KCP: variants seen among roughly 807,000 people sequenced by gnomAD.
KCP encodes the protein kielin cysteine rich BMP regulator.
In KCP, 194 loss-of-function variants were observed where a neutral mutation model predicts 212.7. The ratio of observed to expected loss-of-function variants is 0.91; its 90% CI spans 0.81 to 1.03. The LOEUF is 1.03. Ranked by LOEUF, KCP falls within the 50% of genes least tolerant of loss-of-function variation. The probability of loss-of-function intolerance (pLI) is 0.00; values close to 1 mark genes in which losing one functional copy is unlikely to be tolerated. For synonymous variants in KCP, 833 were observed against 865.3 expected, an observed-to-expected ratio of 0.96 and a Z score of 0.65; for missense variants, 2,080 against 2,162.5, an observed-to-expected ratio of 0.96 and a Z score of 0.76.
At chr7:128,885,376 T>A in intron 26 of KCP, 106 bp from the exon 27 acceptor site, 1 of 1,178,322 alleles carries the variant, frequency 8.5e-7, no homozygotes, top group Non-Finnish European at 1.2e-6. Flanking sequence ...CAGGAGTGAG[T>A]TTGCAGGGAT....
In KCP at chr7:128,880,037, G is replaced by A; in HGVS notation, c.3808C>T (p.Pro1270Ser). 6.5e-7 allele frequency: 1 copy of A among 1,548,574 alleles called. No individual in the cohort carries two copies. Among genetic ancestry groups the A allele is most frequent in the Non-Finnish European group, 8.7e-7 (1 of 1,146,574 alleles). Residue 1270 changes from proline to serine, a missense_variant, in exon 35 of 40, where the codon CCT becomes TCT. Transcript: ENST00000610776. ...SPGSCCPRCL[P>S]RPASCMAFGD... The stretch of plus-strand genomic sequence containing the variant: ...AAGGCCATGCAGGAAGCGGGCCGAG[G>A]CAGGCAGCGGGGGCAGCAGCTGCCA...
Position 128,901,499 on chromosome 7 carries a change from G to A in KCP, c.831+1278C>T, listed in dbSNP as rs531874109. 9.2e-5 allele frequency among the ~76,000 whole-genome samples: 14 copies of A among 152,132 alleles called. No homozygotes were observed. The East Asian group carries it at 1.9e-3, about 21-fold the overall frequency. ...AAATTAGCCAGGCGTGTTGGCGGGC[G>A]CCTGTAGTCCCAGCTACTCGGGATA... is the stretch of plus-strand genomic sequence containing the variant. On this transcript the variant is annotated intron_variant, in intron 8 of 39. Transcript: ENST00000610776.
At chr7:128,881,844 G>C (rs1299684383) in intron 30 of KCP, 93 bp downstream of exon 30, 1 of 1,406,192 alleles carries the variant, frequency 7.1e-7, no homozygotes, top group African/African-American at 1.4e-5. Context: ...CGAATGGAGA[G>C]CCCTGGAGCT....
chr7:128,892,678 G>A lies in KCP; in HGVS notation c.1527+10C>T, dbSNP rs1322570352. 5.8e-6 allele frequency: 9 copies of A among 1,551,596 alleles called. No homozygotes were observed. Among genetic ancestry groups the A allele is most frequent in the African/African-American group, 1.4e-5 (1 of 73,162 alleles). On this transcript the variant is annotated intron_variant, in intron 15 of 39. Transcript: ENST00000610776. ...GGCTCAGCAGGGCAGCAGCAAGGCT[G>A]GGCAGTTACCTGACAGTGGCAGGCA...
intron 7 of KCP, chr7:128,903,155 C>T (rs915971236): frequency 1.1e-5 from 5 of 473,638 alleles, no homozygotes; most frequent in Admixed American, 7.4e-5. Context: ...GCCAACATTG[C>T]ACACTCACCC....
chr7:128,897,613 T>C (rs1328893733), intron 8 of KCP, among the ~76,000 whole-genome samples: 5 of 152,252 alleles, frequency 3.3e-5, no homozygotes, highest in African/African-American at 9.6e-5. Context: ...TTAAAGATTA[T>C]TGATAAAATA....
rs1411850345 is a variant in KCP, at chr7:128,879,507, G to A, written c.4146+15C>T. ...CCCAGCAGGCAGCCCACCCAGACTCGCCCTGGAGCCGCACCTGGAGCCCGG... is the reference window on the plus strand; with the variant it reads ...CCCAGCAGGCAGCCCACCCAGACTCACCCTGGAGCCGCACCTGGAGCCCGG... On this transcript the variant is annotated intron_variant, in intron 37 of 39. Transcript: ENST00000610776. 3.2e-6 allele frequency: 5 copies of A among 1,545,286 alleles called. No homozygotes were observed. Among genetic ancestry groups the A allele is most frequent in the Non-Finnish European group, 4.4e-6 (5 of 1,144,174 alleles).
chr7:128,887,351 C>G (rs907912711), intron 22 of KCP, 51 bp from the exon 23 acceptor site: 21 of 1,333,460 alleles, frequency 1.6e-5, no homozygotes, highest in Admixed American at 5.9e-5. Context: ...AGAACCTCCA[C>G]TGTCACACAC....
chr7:128,888,609 G>T (rs1405218238), intron 22 of KCP, among the ~76,000 whole-genome samples: 1 of 114,274 alleles, frequency 8.8e-6, no homozygotes, highest in African/African-American at 3.4e-5. Flanking sequence ...CACACACACA[G>T]CCAGACACAC....
intron 4 of KCP, among the ~76,000 whole-genome samples, chr7:128,906,659 G>A (rs1311343543): frequency 8.5e-5 from 13 of 152,250 alleles, no homozygotes; most frequent in African/African-American, 2.9e-4. Flanking sequence ...GAAGGAGGAA[G>A]GAAAGACTGG....
At chr7:128,901,495 G>A (rs1381719173) in intron 8 of KCP, among the ~76,000 whole-genome samples, 4 of 152,148 alleles carry the variant, frequency 2.6e-5, no homozygotes, top group Non-Finnish European at 5.9e-5. Flanking sequence ...GCGTGTTGGC[G>A]GGCGCCTGTA....
Position 128,878,598 on chromosome 7 carries a change from A to G in KCP, c.4271T>C (p.Leu1424Pro). The stretch of plus-strand genomic sequence containing the variant: ...AAACGCAGCCTCCGAGGGCAGGAGC[A>G]GCCCCTCAGGGCCCTGCAGATCGTC... ...AQDDLQGPEG[L>P]LLPSEAAFGN... Residue 1424 changes from leucine to proline, a missense_variant, in exon 38 of 40, where the codon CTG becomes CCG. Physicochemically the swap from Leu to Pro is moderately conservative, Grantham distance 98 (BLOSUM62 -3). Transcript: ENST00000610776. The G allele has an allele frequency of 6.4e-7, 1 of 1,551,548 alleles. No individual in the cohort carries two copies. Among genetic ancestry groups the G allele is most frequent in the South Asian group, 1.2e-5 (1 of 84,064 alleles).
chr7:128,888,407 TACAC>T lies in KCP; in HGVS notation c.2512+452_2512+455del, dbSNP rs1425019175. On this transcript the variant is annotated intron_variant, in intron 22 of 39. Transcript: ENST00000610776. Reference sequence around the variant, plus strand: ...ACACAGCCACACACAGATACACACATACACACATACAGCAACACATACACACACA... The same window carrying T: ...ACACAGCCACACACAGATACACACATACATACAGCAACACATACACACACA... 8.8e-5 allele frequency among the ~76,000 whole-genome samples: 6 copies of T among 68,084 alleles called. No homozygotes were observed. In the South Asian group the frequency reaches 2.3e-3, roughly 26 times the overall value. The allele number at this position is 68,084 out of a possible 152,430, so 44.7% of individuals were successfully genotyped here.
In KCP at chr7:128,880,041, G is replaced by A. The variant is rs749142542; in HGVS notation, c.3804C>T (p.Cys1268=). The A allele has an allele frequency of 1.9e-6, 3 of 1,548,002 alleles. No homozygotes were observed. The highest frequency in any genetic ancestry group is 2.6e-6 in the Non-Finnish European group (3 of 1,146,380). The change falls in exon 35 of 40, where the codon TGC becomes TGT. Residue 1268 remains cysteine, a synonymous_variant. Coordinates refer to ENST00000610776, the MANE Select transcript of KCP (RefSeq NM_001366122.1). Reference sequence around the variant, plus strand: ...CCATGCAGGAAGCGGGCCGAGGCAGGCAGCGGGGGCAGCAGCTGCCAGGAC... The same window carrying A: ...CCATGCAGGAAGCGGGCCGAGGCAGACAGCGGGGGCAGCAGCTGCCAGGAC... ...ALSPGSCCPR[C]LPRPASCMAF...
At position 128,893,375 on chromosome 7, in the gene KCP, C is replaced by G; in HGVS notation, c.1185+16G>C. On this transcript the variant is annotated intron_variant, in intron 12 of 39. Transcript: ENST00000610776. ...GGAATGAGGCAGATCTGGGTGTGAG[C>G]GGAGGGACCGCCTACCTGGCAGGAG... 1 of 1,551,586 alleles carries G rather than the reference C, an allele frequency of 6.4e-7. No homozygotes were observed. The highest frequency in any genetic ancestry group is 8.7e-7 in the Non-Finnish European group (1 of 1,146,888).
chr7:128,881,735 T>G lies in KCP; in HGVS notation c.3325-10A>C, dbSNP rs370311002. 1.5e-5 allele frequency: 23 copies of G among 1,535,278 alleles called. No homozygotes were observed. In the South Asian group the frequency reaches 2.1e-4, roughly 14 times the overall value. The stretch of plus-strand genomic sequence containing the variant: ...AGAGCCATGTCAGGTCCTGCCCATG[T>G]GAACACAAGAGGTAGAGAATGGCAG... On this transcript the variant is annotated splice_polypyrimidine_tract_variant and intron_variant, in intron 30 of 39. Transcript: ENST00000610776.
rs112137458 is a variant in KCP, at chr7:128,884,859, A to G, written c.3045T>C (p.Cys1015=). Reference sequence around the variant, plus strand: ...GCTCGTACTTCCGGCCCTCATGCTCACAGTCTTTGGGGTGGAGTGAGAGCA... The same window carrying G: ...GCTCGTACTTCCGGCCCTCATGCTCGCAGTCTTTGGGGTGGAGTGAGAGCA... ...PHDCCPQCSD[C]EHEGRKYEPG... Residue 1015 remains cysteine (C), a synonymous_variant, in exon 28 of 40, where the codon TGT becomes TGC. Transcript: ENST00000610776. The G allele has an allele frequency of 7.0e-4, 1,090 of 1,550,578 alleles. 2 individuals carry two copies. The African/African-American group carries it at 0.01, about 15-fold the overall frequency.
At chr7:128,909,219 G>A (rs1476103786) in intron 1 of KCP, among the ~76,000 whole-genome samples, 1 of 152,200 alleles carries the variant, frequency 6.6e-6, no homozygotes, top group Non-Finnish European at 1.5e-5. Context: ...AGGCAGGAGG[G>A]GAAGAGGCAG....
Position 128,880,098 on chromosome 7 carries a change from CCAGA to C in KCP, c.3760-17_3760-14del. The C allele has an allele frequency of 6.6e-7, 1 of 1,521,168 alleles. No homozygotes were observed. The highest frequency in any genetic ancestry group is 1.2e-5 in the South Asian group (1 of 80,566). 94.2% of individuals were successfully genotyped at this position (1,521,168 alleles called of 1,614,324 possible). On this transcript the variant is annotated splice_polypyrimidine_tract_variant and intron_variant, in intron 34 of 39. Transcript: ENST00000610776. The stretch of plus-strand genomic sequence containing the variant: ...CAGGGGCCTTGTCCTGCACTCAGCC[CCAGA>C]CACTGTCAGACACACCGCCCTCCCC...
Sources: allele counts gnomAD v4.1 joint callset (sites outside exome capture counted in the v4.1 genomes callset), GRCh38; gene constraint gnomAD v4.1.1; transcripts MANE v1.5; gene names NCBI Gene and HGNC (gene_info 2026-07-23, HGNC 2026-07-21).